LDLRAD4: variants seen among roughly 807,000 people sequenced by gnomAD.
The protein encoded by LDLRAD4 is low density lipoprotein receptor class A domain containing 4.
LDLRAD4 carries 5 observed loss-of-function variants against 17.0 expected under a neutral mutation model. The observed-to-expected ratio is 0.29, with a 90% CI of 0.15 to 0.62. The LOEUF (loss-of-function observed/expected upper bound fraction) is 0.62, where lower values mean the gene tolerates loss of function less well. LDLRAD4 is among the 20% of genes least tolerant of loss of function. The pLI, the probability that LDLRAD4 is intolerant of heterozygous loss-of-function variation, is 0.84. For synonymous variants in LDLRAD4, 168 were observed against 171.8 expected, an observed-to-expected ratio of 0.98 and a Z score of 0.17; for missense variants, 340 against 424.7, an observed-to-expected ratio of 0.80 and a Z score of 1.75.
intron 1 of LDLRAD4, among the ~76,000 whole-genome samples, chr18:13,312,236 A>G (rs906762574): frequency 3.3e-5 from 5 of 152,212 alleles, no homozygotes; most frequent in African/African-American, 1.2e-4. Context: ...ACAATCATTA[A>G]TAATATTGTA....
intron 3 of LDLRAD4, among the ~76,000 whole-genome samples, chr18:13,586,949 A>C (rs987707201): frequency 3.9e-5 from 6 of 152,142 alleles, no homozygotes; most frequent in Non-Finnish European, 7.4e-5. Context: ...ACTTGCAAAG[A>C]AAAAAGGGGT....
At chr18:13,500,526 A>T (rs2298529) in intron 3 of LDLRAD4, 1 of 152,368 alleles carries the variant, frequency 6.6e-6, no homozygotes, top group East Asian at 1.9e-4. Flanking sequence ...CCAGCTCCTC[A>T]GAGAGGAGAC....
intron 2 of LDLRAD4, among the ~76,000 whole-genome samples, chr18:13,418,083 A>G (rs2089091929): frequency 1.3e-5 from 2 of 152,096 alleles, no homozygotes; most frequent in South Asian, 4.1e-4. Flanking sequence ...GCAGCACTGC[A>G]CCCGCACTGA....
At chr18:13,370,715 T>TTTTTTGTTTGTTTG (rs1555663259) in intron 1 of LDLRAD4, among the ~76,000 whole-genome samples, 87 of 121,004 alleles carry the variant, frequency 7.2e-4, no homozygotes, top group Admixed American at 1.9e-3. Context: ...TTTGTTTTGT[T>TTTTTTGTTTGTTTG]TTTTTTTTTT....
chr18:13,471,506 C>T (rs1367210206), intron 3 of LDLRAD4: 1 of 152,292 alleles, frequency 6.6e-6, no homozygotes, highest in African/African-American at 2.4e-5. Flanking sequence ...CGGTCACTGT[C>T]CTGAGATTCA....
chr18:13,234,207 T>A (rs775100577), intron 1 of LDLRAD4, among the ~76,000 whole-genome samples: 2 of 152,314 alleles, frequency 1.3e-5, no homozygotes, highest in Non-Finnish European at 2.9e-5. Context: ...TAATCCCTGA[T>A]GGCATGCCCT....
At chr18:13,518,022 C>G (rs2093895475) in intron 3 of LDLRAD4, among the ~76,000 whole-genome samples, 1 of 152,242 alleles carries the variant, frequency 6.6e-6, no homozygotes, top group Non-Finnish European at 1.5e-5. Flanking sequence ...GCGTGAGCCA[C>G]CGCGCCCGGC....
intron 2 of LDLRAD4, among the ~76,000 whole-genome samples, chr18:13,412,623 A>T (rs2088484688): frequency 6.6e-6 from 1 of 152,064 alleles, no homozygotes; most frequent in Non-Finnish European, 1.5e-5. Flanking sequence ...ATGGGCCTCC[A>T]CTCCAGCAGG....
chr18:13,618,447 T>C (rs2040286269), intron 3 of LDLRAD4, among the ~76,000 whole-genome samples: 1 of 152,246 alleles, frequency 6.6e-6, no homozygotes, highest in Non-Finnish European at 1.5e-5. Context: ...GAAACACAAA[T>C]ATGTAAAAAA....
At chr18:13,242,991 G>C (rs1038526400) in intron 1 of LDLRAD4, among the ~76,000 whole-genome samples, 3 of 152,180 alleles carry the variant, frequency 2.0e-5, no homozygotes, top group Non-Finnish European at 4.4e-5. Context: ...CCTGCTCTGC[G>C]CCTGGCGCCT....
intron 1 of LDLRAD4, among the ~76,000 whole-genome samples, chr18:13,249,748 G>T (rs931303838): frequency 6.6e-6 from 1 of 151,992 alleles, no homozygotes; most frequent in Non-Finnish European, 1.5e-5. Context: ...AAGCTTTTAG[G>T]TCGATATAAT....
rs577069237 is a variant in LDLRAD4 at position 13,307,846 on chromosome 18, C to T, written c.-383+29658C>T. Among the ~76,000 whole-genome samples the T allele has an allele frequency of 1.1e-4, 16 of 152,286 alleles. No homozygotes were observed. The South Asian group carries it at 3.3e-3, about 32-fold the overall frequency. ...GGCAGTTTATATTATCCGTAATGGT[C>T]AACAATAGGCCATTAGTAGTTACAT... is the stretch of plus-strand genomic sequence containing the variant. On this transcript the variant is annotated intron_variant, in intron 1 of 5. Coordinates refer to ENST00000359446, the Ensembl canonical transcript of LDLRAD4.
chr18:13,278,232 G>A (rs1340296796), intron 1 of LDLRAD4, 44 bp downstream of exon 2: 2 of 152,324 alleles, frequency 1.3e-5, no homozygotes, highest in Non-Finnish European at 2.9e-5. Flanking sequence ...TGATGTCTGG[G>A]AAGCAGAGCT....
At chr18:13,630,476 A>C (rs2041567569) in intron 4 of LDLRAD4, among the ~76,000 whole-genome samples, 1 of 152,220 alleles carries the variant, frequency 6.6e-6, no homozygotes. Flanking sequence ...ATATCCAAAG[A>C]TCAATTTCAC....
At chr18:13,620,665 C>G (rs994987090) in intron 3 of LDLRAD4, among the ~76,000 whole-genome samples, 1 of 152,204 alleles carries the variant, frequency 6.6e-6, no homozygotes, top group Non-Finnish European at 1.5e-5. Context: ...AGTGCTGTGC[C>G]TGAAGGCCTG....
chr18:13,464,314 A>G (rs1021842177), intron 3 of LDLRAD4, among the ~76,000 whole-genome samples: 6 of 152,226 alleles, frequency 3.9e-5, no homozygotes. Context: ...GCACAGTAGC[A>G]ATAGGGATGT....
chr18:13,340,425 C>G (rs1036934019), intron 1 of LDLRAD4, among the ~76,000 whole-genome samples: 28 of 152,106 alleles, frequency 1.8e-4, no homozygotes, highest in African/African-American at 6.8e-4. Flanking sequence ...TTCTTGCTAA[C>G]TTTCTATTTT....
At position 13,645,038 on chromosome 18, in the gene LDLRAD4, AC is replaced by A; in HGVS notation, c.391-88del. ...ATGGTGTTCAAACTGGTAGGAACAC[AC>A]ACCAAGCGTAACTTTCCTTGATTCT... On this transcript the variant is annotated intron_variant, in intron 5 of 5. Coordinates refer to ENST00000359446, the Ensembl canonical transcript of LDLRAD4. The surrounding 1 kb of genome is among the most constrained non-coding windows in gnomAD (Gnocchi z 5.7). 1 of 1,084,956 alleles carries A rather than the reference AC, an allele frequency of 9.2e-7. No homozygotes were observed. The highest frequency in any genetic ancestry group is 1.3e-6 in the Non-Finnish European group (1 of 751,370). The allele number at this position is 1,084,956 out of a possible 1,614,324, so 67.2% of individuals were successfully genotyped here.
At chr18:13,253,760 C>G (rs2043351687) in intron 1 of LDLRAD4, among the ~76,000 whole-genome samples, 1 of 152,240 alleles carries the variant, frequency 6.6e-6, no homozygotes, top group Non-Finnish European at 1.5e-5. Flanking sequence ...AGCTTAGGTT[C>G]TGGGTATCGG....
Sources: allele counts gnomAD v4.1 joint callset (sites outside exome capture counted in the v4.1 genomes callset), GRCh38; gene constraint gnomAD v4.1.1; non-coding constraint Gnocchi (gnomAD v3.1); transcripts MANE v1.5; gene names NCBI Gene and HGNC (gene_info 2026-07-23, HGNC 2026-07-21).